Variants in DNAH11 observed in about 807,000 individuals in gnomAD.
DNAH11 encodes dynein axonemal heavy chain 11, also known as axonemal beta dynein heavy chain 11.
Under a neutral mutation model 526.0 loss-of-function variants are expected in DNAH11, and 442 were observed. The observed-to-expected ratio is 0.84, with a 90% CI of 0.78 to 0.91. The LOEUF is 0.91. Ranked by LOEUF, DNAH11 falls within the 40% of genes least tolerant of loss-of-function variation. DNAH11 has a pLI of 0.00. For missense variants in DNAH11, 6,989 were observed against 5,448.7 expected (o/e 1.28, Z -8.90); for synonymous variants, 2,461 against 1,935.9 (o/e 1.27, Z -7.12).
intron 68 of DNAH11, among the ~76,000 whole-genome samples, chr7:21,859,175 G>C (rs1015653841): frequency 1.3e-5 from 2 of 152,014 alleles, no homozygotes; most frequent in Non-Finnish European, 2.9e-5. Flanking sequence ...ATGTAGTGGT[G>C]CAATCTCGGC....
chr7:21,674,714 T>A (rs1462201136), intron 30 of DNAH11, among the ~76,000 whole-genome samples: 1 of 152,064 alleles, frequency 6.6e-6, no homozygotes, highest in East Asian at 1.9e-4. Flanking sequence ...TCAGTTTCCT[T>A]TGCTCCAGTC....
At chr7:21,782,676 C>T (rs1480574817) in intron 57 of DNAH11, among the ~76,000 whole-genome samples, 1 of 152,118 alleles carries the variant, frequency 6.6e-6, no homozygotes, top group African/African-American at 2.4e-5. Flanking sequence ...CTTTGAGAGG[C>T]TGAAGCAGGC....
At position 21,564,146 on chromosome 7, in the gene DNAH11, AC is replaced by A. The variant is rs374963183; in HGVS notation, c.983-39del. 7,662 of 1,451,592 alleles carry A rather than the reference AC, an allele frequency of 5.3e-3. 77 individuals carry two copies. Among genetic ancestry groups the A allele is most frequent in the South Asian group, 0.043 (2,715 of 63,754 alleles). 89.9% of individuals were successfully genotyped at this position (1,451,592 alleles called of 1,614,324 possible). On this transcript the variant is annotated intron_variant, in intron 5 of 81. Coordinates refer to ENST00000409508, the MANE Select transcript of DNAH11 (RefSeq NM_001277115.2). The stretch of plus-strand genomic sequence containing the variant: ...AAGTGAATTTAGAAAAAAAAAAAAA[AC>A]AAACCAGAATCACGTTAATGGTGGT...
chr7:21,599,855 C>T lies in DNAH11; in HGVS notation c.2736C>T (p.Asp912=), dbSNP rs780377373. The T allele has an allele frequency of 6.9e-6, 11 of 1,605,828 alleles. No individual in the cohort carries two copies. The highest frequency in any genetic ancestry group is 3.3e-5 in the South Asian group (3 of 90,014). ...DTWKIYVEFI[D]DIVVEGFFQA... is the part of the protein sequence containing the mutation. ...GGAAAATTTATGTAGAATTCATTGACGACATTGTGGTGGAAGGCTTTTTTC... is the reference window on the plus strand; with the variant it reads ...GGAAAATTTATGTAGAATTCATTGATGACATTGTGGTGGAAGGCTTTTTTC... Residue 912 remains aspartate, a synonymous_variant, in exon 15 of 82, where the codon GAC becomes GAT. Coordinates refer to ENST00000409508, the MANE Select transcript of DNAH11 (RefSeq NM_001277115.2).
At position 21,658,882 on chromosome 7, in the gene DNAH11, G is replaced by A; in HGVS notation, c.5179G>A (p.Glu1727Lys). 1.2e-6 allele frequency: 2 copies of A among 1,609,204 alleles called. No individual in the cohort carries two copies. Among genetic ancestry groups the A allele is most frequent in the Non-Finnish European group, 1.7e-6 (2 of 1,177,844 alleles). The change falls in exon 30 of 82, where the codon GAA becomes AAA. Residue 1727 changes from glutamate (E) to lysine (K), a missense_variant. Transcript: ENST00000409508. ...SITEAIVAYE[E>K]KPRELWIFDF... ...AACAGAAGCCATAGTGGCCTACGAGGAAAAACCTAGGGAACTGTGGATTTT... is the reference window on the plus strand; with the variant it reads ...AACAGAAGCCATAGTGGCCTACGAGAAAAAACCTAGGGAACTGTGGATTTT...
intron 36 of DNAH11, among the ~76,000 whole-genome samples, chr7:21,700,814 A>G (rs556276217): frequency 3.5e-4 from 54 of 152,302 alleles, no homozygotes; most frequent in African/African-American, 1.2e-3. Flanking sequence ...TTGCAGAGAC[A>G]TGGACGAGGA....
At chr7:21,896,894 A>G (rs975505030) in intron 79 of DNAH11, among the ~76,000 whole-genome samples, 2 of 151,980 alleles carry the variant, frequency 1.3e-5, no homozygotes, top group African/African-American at 2.4e-5. Context: ...CCCTGTCTCT[A>G]AAAAACAATA....
intron 28 of DNAH11, among the ~76,000 whole-genome samples, chr7:21,640,929 C>T (rs1325549511): frequency 6.6e-6 from 1 of 152,094 alleles, no homozygotes. Context: ...TTAATGACCG[C>T]TCCTGCTTCC....
intron 63 of DNAH11, among the ~76,000 whole-genome samples, chr7:21,808,330 C>G (rs1224778523): frequency 6.6e-6 from 1 of 152,048 alleles, no homozygotes; most frequent in Non-Finnish European, 1.5e-5. Flanking sequence ...GTGTAATGGT[C>G]AAGTCAGAGT....
intron 74 of DNAH11, among the ~76,000 whole-genome samples, chr7:21,876,343 C>T (rs545047653): frequency 8.5e-5 from 13 of 152,310 alleles, no homozygotes; most frequent in South Asian, 4.1e-4. Context: ...AAAAAATGTG[C>T]AGAAAATCTA....
At chr7:21,778,928 G>A in intron 56 of DNAH11, 30 bp from the exon 57 acceptor site, 3 of 1,606,660 alleles carry the variant, frequency 1.9e-6, no homozygotes, top group Non-Finnish European at 2.6e-6. Flanking sequence ...AACAAGGCCA[G>A]TGACGTAAGA....
rs111587765 is a variant in DNAH11, at chr7:21,571,428, C to T, written c.1426-378C>T. ...TCAAGTAGCTGGGACTACAGGTGCA[C>T]GCCACCATGCCTAGTTAACTTTTTA... On this transcript the variant is annotated intron_variant, in intron 7 of 81. Coordinates refer to ENST00000409508, the MANE Select transcript of DNAH11 (RefSeq NM_001277115.2). Among the ~76,000 whole-genome samples the T allele has an allele frequency of 5.3e-3, 804 of 152,046 alleles. 16 individuals carry two copies. The highest frequency in any genetic ancestry group is 0.018 in the African/African-American group (761 of 41,498).
rs751035617 is a variant in DNAH11 at position 21,861,987 on chromosome 7, G to T, written c.11337G>T (p.Lys3779Asn). 6.2e-7 allele frequency: 1 copy of T among 1,613,344 alleles called. No homozygotes were observed. The highest frequency in any genetic ancestry group is 8.5e-7 in the Non-Finnish European group (1 of 1,179,640). ...FLYTSQALFE[K>N]DKLTFLSQMA... ...ACACCAGCCAGGCGCTGTTTGAGAA[G>T]GACAAGCTCACCTTCCTGTCCCAGA... The change falls in exon 69 of 82, where the codon AAG becomes AAT. Residue 3779 changes from lysine (K) to asparagine (N), a missense_variant. By Grantham distance (94) the Lys-to-Asn change is moderately conservative. Coordinates refer to ENST00000409508, the MANE Select transcript of DNAH11 (RefSeq NM_001277115.2).
At chr7:21,825,678 A>G (rs1475522852) in intron 65 of DNAH11, among the ~76,000 whole-genome samples, 1 of 152,048 alleles carries the variant, frequency 6.6e-6, no homozygotes, top group Non-Finnish European at 1.5e-5. Context: ...AGCTTTCAAA[A>G]TAGTTGTGTT....
At chr7:21,665,290 CTAT>C (rs1044326578) in intron 30 of DNAH11, among the ~76,000 whole-genome samples, 2 of 152,048 alleles carry the variant, frequency 1.3e-5, no homozygotes, top group African/African-American at 4.8e-5. Flanking sequence ...GCAAGACCAC[CTAT>C]TATTATGATG....
At chr7:21,564,132 G>GAC (rs1783569793) in intron 5 of DNAH11, 54 bp from the exon 6 acceptor site, 3 of 1,148,576 alleles carry the variant, frequency 2.6e-6, no homozygotes, top group Non-Finnish European at 3.5e-6. Context: ...AGTGAATTTA[G>GAC]AAAAAAAAAA....
intron 76 of DNAH11, among the ~76,000 whole-genome samples, chr7:21,887,985 C>A (rs1475728703): frequency 6.6e-6 from 1 of 152,282 alleles, no homozygotes; most frequent in East Asian, 1.9e-4. Context: ...GTCACCAAAA[C>A]AATGACTCGT....
intron 61 of DNAH11, among the ~76,000 whole-genome samples, chr7:21,800,091 C>A (rs1391094524): frequency 6.6e-6 from 1 of 152,168 alleles, no homozygotes; most frequent in African/African-American, 2.4e-5. Context: ...CCAAGAGATC[C>A]AGGAAACAAG....
chr7:21,605,897 A>C (rs1785261809), intron 18 of DNAH11, among the ~76,000 whole-genome samples: 1 of 152,202 alleles, frequency 6.6e-6, no homozygotes, highest in African/African-American at 2.4e-5. Flanking sequence ...CATGCTTTGG[A>C]GTTCTGAACC....
Sources: gnomAD v4.1 joint callset for allele counts (sites outside exome capture counted in the v4.1 genomes callset) on GRCh38, gnomAD v4.1.1 for gene constraint, MANE v1.5 for transcripts, NCBI Gene and HGNC (gene_info 2026-07-23, HGNC 2026-07-21) for gene names.